The following PCDHGA1 variants were observed in gnomAD, a reference collection of about 807,000 sequenced individuals.
PCDHGA1 encodes protocadherin gamma subfamily A, 1.
A neutral mutation model predicts 58.0 loss-of-function variants in PCDHGA1; 32 were observed. That is an observed-to-expected ratio of 0.55 (90% CI 0.42 to 0.74). The LOEUF (loss-of-function observed/expected upper bound fraction) is 0.74. PCDHGA1 is among the 30% of genes least tolerant of loss of function. The probability of loss-of-function intolerance (pLI) is 0.00; values close to 1 mark genes in which losing one functional copy is unlikely to be tolerated. For synonymous variants in PCDHGA1, 498 were observed against 501.1 expected (o/e 0.99, Z 0.08); for missense variants, 1,205 against 1,182.3 (o/e 1.02, Z -0.28).
At chr5:141,482,572 T>C (rs1367788391) in intron 1 of PCDHGA1, among the ~76,000 whole-genome samples, 1 of 137,636 alleles carries the variant, frequency 7.3e-6, no homozygotes, top group Admixed American at 7.3e-5. Context: ...CTGCATAGCA[T>C]AAGATGCAGT....
intron 1 of PCDHGA1, chr5:141,393,544 A>T: frequency 6.2e-7 from 1 of 1,613,800 alleles, no homozygotes; most frequent in East Asian, 2.2e-5. Context: ...GTTTTTCCTC[A>T]CCCGATTTAC....
intron 1 of PCDHGA1, chr5:141,395,349 CAG>C: frequency 7.2e-7 from 1 of 1,382,548 alleles, no homozygotes; most frequent in South Asian, 1.5e-5. Flanking sequence ...AGGTGTATCA[CAG>C]AGTTTTGGGT....
At chr5:141,371,849 C>A (rs1323132095) in intron 1 of PCDHGA1, 1 of 1,613,660 alleles carries the variant, frequency 6.2e-7, no homozygotes, top group East Asian at 2.2e-5. Flanking sequence ...GACCTAATGG[C>A]CTTGTCTCCT....
rs371823901 is a variant in PCDHGA1 at position 141,384,767 on chromosome 5, C to T, written c.2421+51662C>T. 6.8e-6 allele frequency: 11 copies of T among 1,613,806 alleles called. No individual in the cohort carries two copies. The African/African-American group carries it at 9.3e-5, about 14-fold the overall frequency. The stretch of plus-strand genomic sequence containing the variant: ...GGACTCTTTGCGGTTGGGCTGTACA[C>T]GGGCGAGGTGCGCACGGCTCGGGCC... On this transcript the variant is annotated intron_variant, in intron 1 of 3. Coordinates refer to ENST00000517417, the MANE Select transcript of PCDHGA1 (RefSeq NM_018912.3).
At chr5:141,376,144 G>T (rs753001081) in intron 1 of PCDHGA1, 1 of 1,613,918 alleles carries the variant, frequency 6.2e-7, no homozygotes, top group Non-Finnish European at 8.5e-7. Flanking sequence ...CCAACGATTC[G>T]GACCTCACTC....
chr5:141,505,621 A>G (rs1170133157), intron 3 of PCDHGA1, 140 bp downstream of exon 3: 5 of 1,495,758 alleles, frequency 3.3e-6, no homozygotes, highest in South Asian at 2.6e-5. Context: ...AGGACCCACA[A>G]TTCCAAACAT....
intron 1 of PCDHGA1, chr5:141,373,939 G>A: frequency 2.8e-6 from 2 of 714,100 alleles, no homozygotes; most frequent in Non-Finnish European, 2.1e-6. Flanking sequence ...AAGCAGGAAA[G>A]CTGTGCAGAA....
At position 141,356,528 on chromosome 5, in the gene PCDHGA1, T is replaced by C. The variant is rs755912138; in HGVS notation, c.2421+23423T>C. On this transcript the variant is annotated intron_variant, in intron 1 of 3. Transcript: ENST00000517417. ...GAAACTCATATTTCACTGCAAGTGA[T>C]GGACATCAATGACAACCCACCCACT... is the stretch of plus-strand genomic sequence containing the variant. 7.4e-6 allele frequency: 12 copies of C among 1,613,866 alleles called. 1 individual carries two copies. In the Admixed American group the frequency reaches 1.8e-4, roughly 25 times the overall value.
intron 1 of PCDHGA1, chr5:141,374,248 G>A (rs1259243407): frequency 1.9e-6 from 3 of 1,613,890 alleles, no homozygotes. Context: ...TGGGACTGGA[G>A]CCCCAGGAGT....
At chr5:141,361,631 G>A in intron 1 of PCDHGA1, 1 of 1,613,902 alleles carries the variant, frequency 6.2e-7, no homozygotes, top group Non-Finnish European at 8.5e-7. Context: ...CTGAAGCCGC[G>A]GGAGATTTTA....
chr5:141,431,296 C>T lies in PCDHGA1; in HGVS notation c.2422-63511C>T, dbSNP rs2097358592. On this transcript the variant is annotated intron_variant, in intron 1 of 3. Transcript: ENST00000517417. The surrounding 1 kb of genome is among the most constrained non-coding windows in gnomAD (Gnocchi z 4.8). ...AGCTCAGCCCGAACACTCACTTCTC[C>T]CTCATCGTGCAAAATGGAGCCGACG... The T allele has an allele frequency of 1.9e-6, 3 of 1,614,018 alleles. No individual in the cohort carries two copies. Among genetic ancestry groups the T allele is most frequent in the Non-Finnish European group, 2.5e-6 (3 of 1,180,048 alleles).
intron 1 of PCDHGA1, among the ~76,000 whole-genome samples, chr5:141,461,782 TAG>T (rs2099022757): frequency 6.6e-6 from 1 of 152,086 alleles, no homozygotes; most frequent in South Asian, 2.1e-4. Context: ...GCCTCCCAAG[TAG>T]CTGGGATTAC....
chr5:141,351,766 C>T (rs754880046), intron 1 of PCDHGA1: 4 of 1,613,526 alleles, frequency 2.5e-6, no homozygotes, highest in South Asian at 1.1e-5. Flanking sequence ...CCTACGTGTC[C>T]GTGAGCCCGC....
At chr5:141,414,514 G>A in intron 1 of PCDHGA1, 1 of 1,613,964 alleles carries the variant, frequency 6.2e-7, no homozygotes, top group Non-Finnish European at 8.5e-7. Context: ...GCTACAAGTG[G>A]CAGATATCAA....
In PCDHGA1 at chr5:141,404,489, G is replaced by A. The variant is rs867768935; in HGVS notation, c.2421+71384G>A. 30 of 1,613,796 alleles carry A rather than the reference G, an allele frequency of 1.9e-5. No individual in the cohort carries two copies. The highest frequency in any genetic ancestry group is 1.3e-4 in the African/African-American group (10 of 75,048). On this transcript the variant is annotated intron_variant, in intron 1 of 3. Transcript: ENST00000517417. ...TGTCTCTATTAACTCAGACACTGGT[G>A]TGCTGTATGCTCTGTGCTCCTTTGA...
intron 1 of PCDHGA1, chr5:141,409,829 A>AGC (rs2095323181): frequency 6.2e-7 from 1 of 1,610,980 alleles, no homozygotes; most frequent in African/African-American, 1.3e-5. Context: ...GCCCACGCTC[A>AGC]GCGCCAACGT....
intron 1 of PCDHGA1, chr5:141,417,840 A>G (rs2096168680): frequency 2.0e-6 from 3 of 1,536,422 alleles, no homozygotes; most frequent in African/African-American, 2.8e-5. Context: ...GCGGGGACCC[A>G]GCGAGAACCC....
At chr5:141,344,802 G>C (rs377526962) in intron 1 of PCDHGA1, 1 of 1,613,982 alleles carries the variant, frequency 6.2e-7, no homozygotes, top group Non-Finnish European at 8.5e-7. Context: ...GAACGTGCCT[G>C]TGGGTACCCG....
intron 1 of PCDHGA1, chr5:141,422,140 C>CG (rs1369033587): frequency 6.3e-7 from 1 of 1,586,656 alleles, no homozygotes; most frequent in Non-Finnish European, 8.5e-7. Context: ...AGTTCAAGTA[C>CG]GGGGGTCTCT....
Sources: allele counts gnomAD v4.1 joint callset (sites outside exome capture counted in the v4.1 genomes callset), GRCh38; gene constraint gnomAD v4.1.1; non-coding constraint Gnocchi (gnomAD v3.1); transcripts MANE v1.5; gene names NCBI Gene and HGNC (gene_info 2026-07-23, HGNC 2026-07-21).